EDEM1: variants seen among roughly 807,000 people sequenced by gnomAD.
EDEM1 encodes the protein ER degradation-enhancing alpha-mannosidase-like protein 1.
In EDEM1, 67 loss-of-function variants were observed where a neutral mutation model predicts 74.4. That is an observed-to-expected ratio of 0.90 (90% confidence interval 0.74 to 1.10). EDEM1 has a LOEUF of 1.10. Among genes scored for constraint, EDEM1 ranks in the 50% least tolerant of loss-of-function variants. The pLI is 0.00. For synonymous variants in EDEM1, 382 were observed against 335.9 expected (o/e 1.14, Z -1.50); for missense variants, 926 against 851.6 (o/e 1.09, Z -1.09).
chr3:5,188,205 G>T lies in EDEM1; in HGVS notation c.400G>T (p.Ala134Ser). The T allele has an allele frequency of 1.3e-6, 2 of 1,581,394 alleles. No homozygotes were observed. The highest frequency in any genetic ancestry group is 1.7e-6 in the Non-Finnish European group (2 of 1,165,904). Reference protein sequence around the residue: ...PQLRAQMRDLARGMFVFGYDN... With the variant: ...PQLRAQMRDLSRGMFVFGYDN... ...GCTGCGTGCCCAGATGCGCGACCTG[G>T]CACGGGGCATGTTCGTCTTTGGCTA... is the stretch of plus-strand genomic sequence containing the variant. The change falls in exon 1 of 12, where the codon GCA (alanine) becomes TCA (serine). Residue 134 changes from alanine to serine, a missense_variant. Transcript: ENST00000256497.
Position 5,188,105 on chromosome 3 carries a change from G to C in EDEM1, c.300G>C (p.Trp100Cys). 6.6e-7 allele frequency: 1 copy of C among 1,515,376 alleles called. No individual in the cohort carries two copies. The highest frequency in any genetic ancestry group is 8.8e-7 in the Non-Finnish European group (1 of 1,130,980). 93.9% of individuals were successfully genotyped at this position (1,515,376 alleles called of 1,614,324 possible). A position where few individuals can be genotyped will look rare whatever the true frequency, so the allele number is the denominator to read the frequency against. The change falls in exon 1 of 12, where the codon TGG becomes TGC. Residue 100 changes from tryptophan (W) to cysteine (C), a missense_variant. Transcript: ENST00000256497. ...PGPGMCGPAN[W>C]GYVLGGRGRG... ...CGGGGATGTGCGGCCCAGCCAACTG[G>C]GGCTACGTGCTGGGCGGCCGGGGCC...
In EDEM1 at chr3:5,218,887, T is replaced by C. The variant is rs894547246; in HGVS notation, c.*2969T>C. 1 of 152,214 alleles carries C rather than the reference T, an allele frequency of 6.6e-6. No individual in the cohort carries two copies. Among genetic ancestry groups the C allele is most frequent in the Non-Finnish European group, 1.5e-5 (1 of 68,048 alleles). 9.4% of individuals were successfully genotyped at this position (152,214 alleles called of 1,614,324 possible). ...TTTTGGCAGCGCTTGTGCTGGAACT[T>C]ACTCATTGTAACTGAATCCTCAGGG... is the stretch of plus-strand genomic sequence containing the variant. On this transcript the variant is annotated 3_prime_UTR_variant, in exon 12 of 12. Coordinates refer to ENST00000256497, the MANE Select transcript of EDEM1 (RefSeq NM_014674.3).
At chr3:5,194,338 A>AATG (rs1269417219) in intron 1 of EDEM1, among the ~76,000 whole-genome samples, 5 of 152,220 alleles carry the variant, frequency 3.3e-5, no homozygotes, top group African/African-American at 1.2e-4. Flanking sequence ...CAAATAAATA[A>AATG]ATGAAGTCCC....
intron 1 of EDEM1, among the ~76,000 whole-genome samples, chr3:5,194,224 T>C (rs1373682094): frequency 6.6e-6 from 1 of 152,242 alleles, no homozygotes. Flanking sequence ...GGAGCTTTTT[T>C]GCTTTGGTTG....
At chr3:5,214,284 G>A (rs1051108039) in intron 11 of EDEM1, among the ~76,000 whole-genome samples, 4 of 152,218 alleles carry the variant, frequency 2.6e-5, no homozygotes, top group Non-Finnish European at 5.9e-5. Context: ...TTATCCCCCA[G>A]GGCCTTGGTG....
chr3:5,195,266 A>G lies in EDEM1; in HGVS notation c.567A>G (p.Ala189=). ...ACTACTCATTGACTCTTGTTGATGCATTGGATACACTTGCAGTAAGTGTTC... is the reference window on the plus strand; with the variant it reads ...ACTACTCATTGACTCTTGTTGATGCGTTGGATACACTTGCAGTAAGTGTTC... ...LGNYSLTLVD[A]LDTLAIMGNS... is the part of the protein sequence containing the mutation. Residue 189 remains alanine (A), a synonymous_variant, in exon 2 of 12, where the codon GCA becomes GCG. Transcript: ENST00000256497. 6.4e-7 allele frequency: 1 copy of G among 1,567,858 alleles called. No individual in the cohort carries two copies. The highest frequency in any genetic ancestry group is 8.6e-7 in the Non-Finnish European group (1 of 1,156,502).
At chr3:5,213,611 T>C (rs762421967) in intron 11 of EDEM1, 89 bp downstream of exon 11, 160 of 1,293,978 alleles carry the variant, frequency 1.2e-4, no homozygotes, top group Non-Finnish European at 1.6e-4. Context: ...TGACAGAAAA[T>C]TGATGGTGTA....
At position 5,216,005 on chromosome 3, in the gene EDEM1, C is replaced by A; in HGVS notation, c.*87C>A. On this transcript the variant is annotated 3_prime_UTR_variant, in exon 12 of 12. Coordinates refer to ENST00000256497, the MANE Select transcript of EDEM1 (RefSeq NM_014674.3). ...AAGTCCAGTCTGAAATGAAAGGGGA[C>A]AGAAGTCTTGCTGTCCATGGTGGTG... 8.7e-7 allele frequency: 1 copy of A among 1,146,944 alleles called. No homozygotes were observed. 71.0% of individuals were successfully genotyped at this position (1,146,944 alleles called of 1,614,324 possible).
chr3:5,205,232 TAAG>T lies in EDEM1; in HGVS notation c.1213_1215del (p.Arg405del), dbSNP rs1272534175. On this transcript the variant is annotated inframe_deletion, in exon 6 of 12. Coordinates refer to ENST00000256497, the MANE Select transcript of EDEM1 (RefSeq NM_014674.3). ...GCATATCAGAGTATTCAGAACTACT[TAAG>T]AAGAGGGTATGTCTCCCTAACATCT... 5 of 1,613,548 alleles carry T rather than the reference TAAG, an allele frequency of 3.1e-6. No homozygotes were observed. The highest frequency in any genetic ancestry group is 1.1e-5 in the South Asian group (1 of 90,988).
rs147494567 is a variant in EDEM1, at chr3:5,201,886, G to A, written c.820G>A (p.Ala274Thr). The A allele has an allele frequency of 1.8e-4, 285 of 1,614,114 alleles. No individual in the cohort carries two copies. The highest frequency in any genetic ancestry group is 2.2e-4 in the Non-Finnish European group (265 of 1,180,012). ...TGACCTGGCGGTGCGGCTCCTCCCTGCTTTTGAAAACACCAAGACAGGGAT... is the reference window on the plus strand; with the variant it reads ...TGACCTGGCGGTGCGGCTCCTCCCTACTTTTGAAAACACCAAGACAGGGAT... ...AHDLAVRLLP[A>T]FENTKTGIPY... is the part of the protein sequence containing the mutation. The change falls in exon 4 of 12, where the codon GCT becomes ACT. Residue 274 changes from alanine (A) to threonine (T), a missense_variant. Transcript: ENST00000256497.
At chr3:5,197,185 G>A (rs564041507) in intron 2 of EDEM1, among the ~76,000 whole-genome samples, 1 of 150,884 alleles carries the variant, frequency 6.6e-6, no homozygotes, top group African/African-American at 2.4e-5. Context: ...CAGTGCAAAT[G>A]TTTGTTCAAA....
At chr3:5,192,872 T>G (rs943791546) in intron 1 of EDEM1, among the ~76,000 whole-genome samples, 2 of 152,078 alleles carry the variant, frequency 1.3e-5, no homozygotes, top group Non-Finnish European at 2.9e-5. Flanking sequence ...TTAGAGAGGA[T>G]TTGTCTGACT....
chr3:5,190,609 C>A (rs758784940), intron 1 of EDEM1, among the ~76,000 whole-genome samples: 1 of 152,004 alleles, frequency 6.6e-6, no homozygotes, highest in Non-Finnish European at 1.5e-5. Context: ...TTTGGTTATG[C>A]GTAAGTTAAG....
At chr3:5,213,766 A>T (rs2055196908) in intron 11 of EDEM1, among the ~76,000 whole-genome samples, 1 of 152,110 alleles carries the variant, frequency 6.6e-6, no homozygotes, top group South Asian at 2.1e-4. Flanking sequence ...GGATCCTGGA[A>T]GGGGGGAGCC....
intron 1 of EDEM1, chr3:5,189,526 A>G (rs2054873804): frequency 6.6e-6 from 1 of 152,242 alleles, no homozygotes; most frequent in African/African-American, 2.4e-5. Flanking sequence ...GTTTATACGT[A>G]TAAGTGTATT....
chr3:5,208,207 G>T lies in EDEM1; in HGVS notation c.1453G>T (p.Val485Phe), dbSNP rs760720751. 6.2e-7 allele frequency: 1 copy of T among 1,613,440 alleles called. No homozygotes were observed. Among genetic ancestry groups the T allele is most frequent in the East Asian group, 2.2e-5 (1 of 44,854 alleles). Reference sequence around the variant, plus strand: ...TAACTGGCAGCTGCAGGCCCCTGACGTTCTCTTCTACCCACTGAGACCAGA... The same window carrying T: ...TAACTGGCAGCTGCAGGCCCCTGACTTTCTCTTCTACCCACTGAGACCAGA... ...RYNWQLQAPD[V>F]LFYPLRPELV... The change falls in exon 8 of 12, where the codon GTT becomes TTT. Residue 485 changes from valine (V) to phenylalanine (F), a missense_variant. Physicochemically the swap from Val to Phe is conservative, Grantham distance 50 (BLOSUM62 -1). Transcript: ENST00000256497.
chr3:5,193,560 G>T (rs1292586931), intron 1 of EDEM1, among the ~76,000 whole-genome samples: 1 of 151,862 alleles, frequency 6.6e-6, no homozygotes, highest in Non-Finnish European at 1.5e-5. Context: ...CTAGACTATA[G>T]CCCCCATATA....
intron 9 of EDEM1, 115 bp from the exon 10 acceptor site, chr3:5,211,005 C>A: frequency 1.1e-6 from 1 of 923,718 alleles, no homozygotes; most frequent in Non-Finnish European, 1.7e-6. Context: ...AACATAGTTT[C>A]ATATGGTGTT....
chr3:5,194,218 C>CT (rs896220895), intron 1 of EDEM1, among the ~76,000 whole-genome samples: 40 of 152,282 alleles, frequency 2.6e-4, no homozygotes, highest in African/African-American at 9.4e-4. Flanking sequence ...AAAACTGGAG[C>CT]TTTTTTGCTT....
Sources: gnomAD v4.1 joint callset for allele counts (sites outside exome capture counted in the v4.1 genomes callset) on GRCh38, gnomAD v4.1.1 for gene constraint, MANE v1.5 for transcripts, NCBI Gene and HGNC (gene_info 2026-07-23, HGNC 2026-07-21) for gene names.